GPC3: variants seen among roughly 807,000 people sequenced by gnomAD.
GPC3 encodes the protein glypican 3.
In GPC3, 3 loss-of-function variants were observed where a neutral mutation model predicts 34.4. That is an observed-to-expected ratio of 0.09 (90% CI 0.04 to 0.23). GPC3 has a LOEUF of 0.23. GPC3 is among the 10% of genes least tolerant of loss of function. GPC3 has a pLI of 1.00. For synonymous variants in GPC3, 177 were observed against 174.0 expected (o/e 1.02, Z -0.13); for missense variants, 351 against 445.6 (o/e 0.79, Z 1.91).
intron 3 of GPC3, among the ~76,000 whole-genome samples, chrX:133,749,394 G>A (rs1452867727): frequency 8.9e-6 from 1 of 111,944 alleles, no homozygotes; most frequent in Admixed American, 9.5e-5. Context: ...GATGAGCCGA[G>A]TTTGAGAACA....
chrX:133,900,707 T>C (rs1425062698), intron 2 of GPC3, among the ~76,000 whole-genome samples: 2 of 111,395 alleles, frequency 1.8e-5, no homozygotes, highest in Non-Finnish European at 3.8e-5. Flanking sequence ...AAAGATTTTC[T>C]AAGGTCTGCT....
chrX:133,820,878 T>C (rs1311117679), intron 2 of GPC3, among the ~76,000 whole-genome samples: 3 of 111,629 alleles, frequency 2.7e-5, no homozygotes, highest in African/African-American at 9.8e-5. Context: ...AGATGGGAGA[T>C]AGTACAAGAG....
rs1428320252 is a variant in GPC3, at chrX:133,692,303, C to T, written c.1292+66G>A. 2.7e-6 allele frequency: 3 copies of T among 1,107,975 alleles called. No individual in the cohort carries two copies. The East Asian group carries it at 9.0e-5, about 33-fold the overall frequency. 91.3% of individuals were successfully genotyped at this position (1,107,975 alleles called of 1,213,427 possible). A position where few individuals can be genotyped will look rare whatever the true frequency, so the allele number is the denominator to read the frequency against. On this transcript the variant is annotated intron_variant, in intron 5 of 7. Transcript: ENST00000370818. ...TAATGGAGATAGAAGACATAATTAA[C>T]TTTTATATAAACATATGACAATTAT...
At chrX:133,787,738 T>C (rs528754393) in intron 2 of GPC3, among the ~76,000 whole-genome samples, 1 of 111,352 alleles carries the variant, frequency 9.0e-6, no homozygotes, top group East Asian at 2.8e-4. Context: ...CTGTACAACC[T>C]TGAGATGTGG....
chrX:133,825,383 A>G lies in GPC3; in HGVS notation c.338-71207T>C, dbSNP rs779511596. Among the ~76,000 whole-genome samples the G allele has an allele frequency of 9.8e-5, 11 of 111,989 alleles. No individual in the cohort carries two copies. The Admixed American group carries it at 1.0e-3, about 11-fold the overall frequency. On this transcript the variant is annotated intron_variant, in intron 2 of 7. Transcript: ENST00000370818. The stretch of plus-strand genomic sequence containing the variant: ...ACCTTAAGGAGCAGAATGGAAGTGG[A>G]GCTCTCACAAAGTGTCATTCTCAAA...
intron 2 of GPC3, among the ~76,000 whole-genome samples, chrX:133,773,514 T>C (rs1367140573): frequency 1.8e-5 from 2 of 112,025 alleles, no homozygotes; most frequent in East Asian, 5.6e-4. Flanking sequence ...ACAAAATGTC[T>C]TGGAAAAGGA....
chrX:133,829,545 T>G (rs73567057), intron 2 of GPC3, among the ~76,000 whole-genome samples: 2 of 111,447 alleles, frequency 1.8e-5, no homozygotes, highest in African/African-American at 6.6e-5. Flanking sequence ...GCATTCTCCA[T>G]GGCAGACCAA....
intron 7 of GPC3, among the ~76,000 whole-genome samples, chrX:133,580,402 C>T (rs2069722269): frequency 8.9e-6 from 1 of 111,832 alleles, no homozygotes; most frequent in Non-Finnish European, 1.9e-5. Flanking sequence ...TCAGATACTG[C>T]CCAAATCATT....
intron 6 of GPC3, among the ~76,000 whole-genome samples, chrX:133,635,933 T>C (rs1475979977): frequency 9.0e-6 from 1 of 111,402 alleles, no homozygotes. Context: ...TTCTGAACTA[T>C]AAGCCCACTC....
chrX:133,624,183 C>T (rs1194524748), intron 6 of GPC3, among the ~76,000 whole-genome samples: 1 of 111,822 alleles, frequency 8.9e-6, no homozygotes, highest in African/African-American at 3.3e-5. Context: ...ATTTATAGCA[C>T]TAAATGCCCA....
At chrX:133,538,763 G>A (rs2069317060) in intron 7 of GPC3, among the ~76,000 whole-genome samples, 1 of 104,299 alleles carries the variant, frequency 9.6e-6, no homozygotes, top group Admixed American at 1.0e-4. Context: ...CGATTTCCAG[G>A]GCTCAAGCAA....
At chrX:133,975,723 T>C (rs1875564133) in intron 1 of GPC3, among the ~76,000 whole-genome samples, 1 of 112,431 alleles carries the variant, frequency 8.9e-6, no homozygotes, top group South Asian at 3.7e-4. Context: ...CCTGGCATAG[T>C]ATCAGTGCTC....
chrX:133,844,935 T>C (rs988665350), intron 2 of GPC3, among the ~76,000 whole-genome samples: 1 of 111,576 alleles, frequency 9.0e-6, no homozygotes, highest in African/African-American at 3.3e-5. Context: ...GTGGGAGCTA[T>C]AGAAAAAATA....
Position 133,885,086 on chromosome X carries a change from A to T in GPC3, c.337+67964T>A, listed in dbSNP as rs749794193. On this transcript the variant is annotated intron_variant, in intron 2 of 7. Transcript: ENST00000370818. The stretch of plus-strand genomic sequence containing the variant: ...CACTAAATATTTTGCTCTTGCAAAC[A>T]CATGTCATTTAACCTAATTTCAAAA... 4.5e-5 allele frequency among the ~76,000 whole-genome samples: 5 copies of T among 112,030 alleles called. No individual in the cohort carries two copies. The South Asian group carries it at 1.9e-3, about 42-fold the overall frequency.
At chrX:133,790,588 T>C (rs2072150770) in intron 2 of GPC3, among the ~76,000 whole-genome samples, 1 of 111,911 alleles carries the variant, frequency 8.9e-6, no homozygotes, top group South Asian at 3.7e-4. Context: ...TAAAAAATTA[T>C]CTTCAGTTGT....
intron 3 of GPC3, among the ~76,000 whole-genome samples, chrX:133,733,496 C>T (rs1351522275): frequency 9.0e-6 from 1 of 110,539 alleles, no homozygotes; most frequent in Non-Finnish European, 1.9e-5. Flanking sequence ...GAAAGAAGAG[C>T]ACATTAAACA....
intron 6 of GPC3, among the ~76,000 whole-genome samples, chrX:133,636,818 G>A (rs2070430787): frequency 1.8e-5 from 2 of 111,352 alleles, no homozygotes; most frequent in African/African-American, 6.5e-5. Flanking sequence ...AGGGTGATTT[G>A]CATGGCTTCT....
rs776263712 is a variant in GPC3 at position 133,899,776 on chromosome X, GTTT to G, written c.337+53271_337+53273del. Among the ~76,000 whole-genome samples, 685 of 111,221 alleles carry G rather than the reference GTTT, an allele frequency of 6.2e-3. 8 individuals carry two copies. Among genetic ancestry groups the G allele is most frequent in the African/African-American group, 0.021 (651 of 30,610 alleles). On this transcript the variant is annotated intron_variant, in intron 2 of 7. Coordinates refer to ENST00000370818, the MANE Select transcript of GPC3 (RefSeq NM_004484.4). The stretch of plus-strand genomic sequence containing the variant: ...AAGTGATTTGACCAATGGTCTAATG[GTTT>G]TTATTTTCATTTAATTAATTAATTA...
intron 2 of GPC3, among the ~76,000 whole-genome samples, chrX:133,788,085 A>ATT (rs1176248015): frequency 8.6e-4 from 39 of 45,212 alleles, no homozygotes; most frequent in East Asian, 1.8e-3. Flanking sequence ...ATATCATATT[A>ATT]TTTTATATAT....
Sources: gnomAD v4.1 joint callset for allele counts (sites outside exome capture counted in the v4.1 genomes callset) on GRCh38, gnomAD v4.1.1 for gene constraint, MANE v1.5 for transcripts, NCBI Gene and HGNC (gene_info 2026-07-23, HGNC 2026-07-21) for gene names.